Variants in QPCT observed in about 807,000 individuals in gnomAD.
QPCT encodes EC.
A neutral mutation model predicts 43.4 loss-of-function variants in QPCT; 44 were observed. The observed-to-expected ratio is 1.01, with a 90% confidence interval of 0.80 to 1.30. QPCT has a LOEUF of 1.30. QPCT is among the 50% of genes most tolerant of loss of function. QPCT has a pLI of 0.00. For synonymous variants in QPCT, 168 were observed against 168.4 expected, an observed-to-expected ratio of 1.00 and a Z score of 0.02; for missense variants, 526 against 436.5, an observed-to-expected ratio of 1.21 and a Z score of -1.83.
intron 1 of QPCT, among the ~76,000 whole-genome samples, chr2:37,348,962 A>G (rs1672565084): frequency 6.6e-6 from 1 of 151,964 alleles, no homozygotes; most frequent in Non-Finnish European, 1.5e-5. Flanking sequence ...TTTTCCTCTT[A>G]CTCATTCATC....
At chr2:37,355,863 C>G (rs550748513) in intron 2 of QPCT, among the ~76,000 whole-genome samples, 3 of 152,130 alleles carry the variant, frequency 2.0e-5, no homozygotes, top group African/African-American at 2.4e-5. Context: ...GTAAAATCCC[C>G]CACAGGTGCA....
rs188237641 is a variant in QPCT at position 37,371,376 on chromosome 2, G to A, written c.824-980G>A. Among the ~76,000 whole-genome samples the A allele has an allele frequency of 3.5e-5, 5 of 143,438 alleles. No homozygotes were observed. The Admixed American group carries it at 3.7e-4, about 11-fold the overall frequency. 94.1% of individuals were successfully genotyped at this position (143,438 alleles called of 152,430 possible). Reference sequence around the variant, plus strand: ...ATCTCTAGTTGTATAAGAGAAAGCAGTGAGCTGAGGTGGCGCCACTGCACT... The same window carrying A: ...ATCTCTAGTTGTATAAGAGAAAGCAATGAGCTGAGGTGGCGCCACTGCACT... On this transcript the variant is annotated intron_variant, in intron 5 of 6. Coordinates refer to ENST00000338415, the MANE Select transcript of QPCT (RefSeq NM_012413.4).
At chr2:37,353,029 T>C (rs1672656423) in intron 2 of QPCT, 94 bp downstream of exon 2, 2 of 1,396,714 alleles carry the variant, frequency 1.4e-6, no homozygotes, top group Admixed American at 4.8e-5. Flanking sequence ...GTGTCTAATA[T>C]TCAGATCTGT....
At position 37,372,726 on chromosome 2, in the gene QPCT, T is replaced by A. The variant is rs1426566308; in HGVS notation, c.985T>A (p.Trp329Arg). ...GATACCGTCTCCTTTCCCTGAAGTC[T>A]GGCACACCATGGATGACAATGAAGA... ...HLIPSPFPEVWHTMDDNEENL... is the reference protein window; with the variant it reads ...HLIPSPFPEVRHTMDDNEENL... The change falls in exon 7 of 7, where the codon TGG becomes AGG. Residue 329 changes from tryptophan to arginine, a missense_variant. Physicochemically the swap from Trp to Arg is moderately radical, Grantham distance 101. Transcript: ENST00000338415. 3 of 1,613,760 alleles carry A rather than the reference T, an allele frequency of 1.9e-6. No homozygotes were observed. In the Admixed American group the frequency reaches 5.0e-5, roughly 27 times the overall value.
At chr2:37,371,682 A>G (rs1252408810) in intron 5 of QPCT, among the ~76,000 whole-genome samples, 1 of 152,178 alleles carries the variant, frequency 6.6e-6, no homozygotes, top group African/African-American at 2.4e-5. Context: ...CATACAATAC[A>G]TGACTTATGT....
At position 37,352,713 on chromosome 2, in the gene QPCT, A is replaced by G. The variant is rs572487855; in HGVS notation, c.121-76A>G. ...CTCCCTTATTTTGAAGTTTTAAGCAATTAATTGAAAACATGTCAGAGTCTT... is the reference window on the plus strand; with the variant it reads ...CTCCCTTATTTTGAAGTTTTAAGCAGTTAATTGAAAACATGTCAGAGTCTT... On this transcript the variant is annotated intron_variant, in intron 1 of 6. Transcript: ENST00000338415. 77 of 1,523,026 alleles carry G rather than the reference A, an allele frequency of 5.1e-5. No individual in the cohort carries two copies. The African/African-American group carries it at 1.0e-3, about 20-fold the overall frequency. 94.3% of individuals were successfully genotyped at this position (1,523,026 alleles called of 1,614,324 possible).
intron 2 of QPCT, among the ~76,000 whole-genome samples, chr2:37,357,737 G>A (rs1017428554): frequency 1.3e-5 from 2 of 152,184 alleles, no homozygotes; most frequent in East Asian, 1.9e-4. Flanking sequence ...TGTAGGATCA[G>A]TGTCCTCCCA....
chr2:37,359,511 C>T, intron 2 of QPCT, 69 bp from the exon 3 acceptor site: 2 of 1,448,104 alleles, frequency 1.4e-6, no homozygotes, highest in Non-Finnish European at 1.9e-6. Flanking sequence ...CTTAAAATTT[C>T]AGAATCACAG....
In QPCT at chr2:37,356,095, C is replaced by A. The variant is rs1451072237; in HGVS notation, c.267+3160C>A. 2.6e-5 allele frequency among the ~76,000 whole-genome samples: 4 copies of A among 152,186 alleles called. No homozygotes were observed. The East Asian group carries it at 7.7e-4, about 29-fold the overall frequency. On this transcript the variant is annotated intron_variant, in intron 2 of 6. Transcript: ENST00000338415. ...GAAAATCGGCTTCCTCCAAGCAAAT[C>A]TGGTCTACTGATGTCATTGTTTCTC...
intron 1 of QPCT, among the ~76,000 whole-genome samples, chr2:37,351,451 G>A (rs1672624638): frequency 6.6e-6 from 1 of 152,188 alleles, no homozygotes; most frequent in African/African-American, 2.4e-5. Flanking sequence ...AAATTTGAAT[G>A]TTATGTGAAC....
intron 2 of QPCT, among the ~76,000 whole-genome samples, chr2:37,356,810 A>G (rs1672759078): frequency 6.6e-6 from 1 of 152,122 alleles, no homozygotes; most frequent in Non-Finnish European, 1.5e-5. Flanking sequence ...GATCGAGACC[A>G]TCCCGGCCAA....
chr2:37,349,133 T>G (rs1353290623), intron 1 of QPCT, among the ~76,000 whole-genome samples: 2 of 152,248 alleles, frequency 1.3e-5, no homozygotes, highest in African/African-American at 4.8e-5. Context: ...GGTTGTTTCC[T>G]CTTCTCTGTC....
chr2:37,364,570 G>A (rs184000803), intron 3 of QPCT, among the ~76,000 whole-genome samples: 37 of 152,354 alleles, frequency 2.4e-4, no homozygotes, highest in African/African-American at 7.2e-4. Flanking sequence ...GAGGAATGGT[G>A]GGAAACAGGT....
In QPCT at chr2:37,359,852, C is replaced by T; in HGVS notation, c.540C>T (p.Ser180=). The change falls in exon 3 of 7, where the codon TCC becomes TCT. Residue 180 remains serine, a synonymous_variant. Coordinates refer to ENST00000338415, the MANE Select transcript of QPCT (RefSeq NM_012413.4). ...LARALDKKLL[S]LKTVSDSKPD... Reference sequence around the variant, plus strand: ...GTGCCTTAGACAAGAAACTCCTTTCCTTAAAGGTATCTGTTTTCTGCTTAT... The same window carrying T: ...GTGCCTTAGACAAGAAACTCCTTTCTTTAAAGGTATCTGTTTTCTGCTTAT... The T allele has an allele frequency of 6.2e-7, 1 of 1,613,726 alleles. No homozygotes were observed.
intron 2 of QPCT, among the ~76,000 whole-genome samples, chr2:37,356,990 AGT>A (rs918645300): frequency 2.0e-5 from 3 of 148,048 alleles, no homozygotes; most frequent in African/African-American, 7.7e-5. Context: ...CTGGCGACAG[AGT>A]GAGACTCCGT....
intron 3 of QPCT, among the ~76,000 whole-genome samples, chr2:37,362,635 G>T (rs1470430648): frequency 6.6e-6 from 1 of 152,232 alleles, no homozygotes; most frequent in Non-Finnish European, 1.5e-5. Flanking sequence ...GAACATCTGT[G>T]AATAGGAACC....
rs575315280 is a variant in QPCT at position 37,344,666 on chromosome 2, A to G, written c.-66A>G. 2.6e-6 allele frequency: 4 copies of G among 1,536,738 alleles called. No homozygotes were observed. Among genetic ancestry groups the G allele is most frequent in the Admixed American group, 2.0e-5 (1 of 50,494 alleles). On this transcript the variant is annotated 5_prime_UTR_variant, in exon 1 of 7. Coordinates refer to ENST00000338415, the MANE Select transcript of QPCT (RefSeq NM_012413.4). Reference sequence around the variant, plus strand: ...GGGTGGAGAAGAGGGAAGGCGAAGGACGCGCGTTCCCGGGCTCGTGACCGC... The same window carrying G: ...GGGTGGAGAAGAGGGAAGGCGAAGGGCGCGCGTTCCCGGGCTCGTGACCGC...
At chr2:37,363,059 A>G (rs1672883517) in intron 3 of QPCT, among the ~76,000 whole-genome samples, 1 of 152,238 alleles carries the variant, frequency 6.6e-6, no homozygotes, top group Admixed American at 6.5e-5. Context: ...CTACACATTG[A>G]ACAGTGAGAT....
intron 1 of QPCT, among the ~76,000 whole-genome samples, chr2:37,351,752 T>C (rs1253942975): frequency 6.6e-6 from 1 of 152,012 alleles, no homozygotes; most frequent in Non-Finnish European, 1.5e-5. Flanking sequence ...CATGGTGGCA[T>C]GCACCTGTAA....
Sources: gnomAD v4.1 joint callset for allele counts (sites outside exome capture counted in the v4.1 genomes callset) on GRCh38, gnomAD v4.1.1 for gene constraint, MANE v1.5 for transcripts, NCBI Gene and HGNC (gene_info 2026-07-23, HGNC 2026-07-21) for gene names.